Variants in SESTD1 observed in about 807,000 individuals in gnomAD.
SESTD1 encodes the protein SEC14 domain and spectrin repeat-containing protein 1.
In SESTD1, 43 loss-of-function variants were observed where a neutral mutation model predicts 101.7. The ratio of observed to expected loss-of-function variants is 0.42; its 90% CI spans 0.33 to 0.55. The LOEUF is 0.55. Among genes scored for constraint, SESTD1 ranks in the 20% least tolerant of loss-of-function variants. The probability of loss-of-function intolerance (pLI) is 0.07; values close to 1 mark genes in which losing one functional copy is unlikely to be tolerated. For missense variants in SESTD1, 647 were observed against 815.1 expected, an observed-to-expected ratio of 0.79 and a Z score of 2.51; for synonymous variants, 283 against 286.8, an observed-to-expected ratio of 0.99 and a Z score of 0.13.
chr2:179,183,027 A>C lies in SESTD1; in HGVS notation c.164+53T>G, dbSNP rs149313493. The C allele has an allele frequency of 9.3e-4, 1,105 of 1,186,732 alleles. 2 individuals carry two copies. The African/African-American group carries it at 0.014, about 15-fold the overall frequency. The allele number at this position is 1,186,732 out of a possible 1,614,324, so 73.5% of individuals were successfully genotyped here. A position where few individuals can be genotyped will look rare whatever the true frequency, so the allele number is the denominator to read the frequency against. On this transcript the variant is annotated intron_variant, in intron 3 of 17. Coordinates refer to ENST00000428443, the MANE Select transcript of SESTD1 (RefSeq NM_178123.5). ...TAATTCAACAATAGAAAGAATCATT[A>C]GTAACTGAATGAAAACATACTGAGA...
intron 1 of SESTD1, among the ~76,000 whole-genome samples, chr2:179,217,809 G>A (rs1294236026): frequency 6.6e-5 from 10 of 152,174 alleles, no homozygotes; most frequent in Non-Finnish European, 1.5e-4. Context: ...CATAAAAAAG[G>A]ATGAGTTCAT....
At chr2:179,163,306 T>C (rs1424371191) in intron 5 of SESTD1, among the ~76,000 whole-genome samples, 2 of 152,172 alleles carry the variant, frequency 1.3e-5, no homozygotes. Context: ...CTTTAACATA[T>C]GCTTTATCAA....
chr2:179,217,526 G>A (rs898471577), intron 1 of SESTD1, among the ~76,000 whole-genome samples: 1 of 152,210 alleles, frequency 6.6e-6, no homozygotes. Flanking sequence ...TACACTGTTG[G>A]TGGGAGTGTA....
At chr2:179,258,227 A>G (rs1323820619) in intron 1 of SESTD1, among the ~76,000 whole-genome samples, 2 of 152,252 alleles carry the variant, frequency 1.3e-5, no homozygotes, top group African/African-American at 4.8e-5. Flanking sequence ...GATAAAAATT[A>G]TCTAACCTAA....
chr2:179,165,164 T>C (rs557026443), intron 5 of SESTD1, among the ~76,000 whole-genome samples: 2 of 152,288 alleles, frequency 1.3e-5, no homozygotes, highest in Admixed American at 6.5e-5. Flanking sequence ...CATTAGGAAA[T>C]TGGGCTTTTA....
chr2:179,232,905 T>A (rs972330116), intron 1 of SESTD1, among the ~76,000 whole-genome samples: 4 of 152,214 alleles, frequency 2.6e-5, no homozygotes, highest in Non-Finnish European at 4.4e-5. Context: ...GGATAAGGGA[T>A]GGAGAAGATG....
At chr2:179,218,448 T>C (rs1408790338) in intron 1 of SESTD1, among the ~76,000 whole-genome samples, 1 of 152,162 alleles carries the variant, frequency 6.6e-6, no homozygotes, top group African/African-American at 2.4e-5. Context: ...GTTCATTAAA[T>C]AGAAAAGAGG....
At chr2:179,177,255 TC>T (rs2046027454) in intron 3 of SESTD1, among the ~76,000 whole-genome samples, 1 of 152,180 alleles carries the variant, frequency 6.6e-6, no homozygotes, top group Non-Finnish European at 1.5e-5. Context: ...AGGGAAAAAC[TC>T]CATTCTAAAG....
At position 179,246,302 on chromosome 2, in the gene SESTD1, G is replaced by A. The variant is rs143080626; in HGVS notation, c.-26+18197C>T. 4.1e-3 allele frequency among the ~76,000 whole-genome samples: 619 copies of A among 149,914 alleles called. 4 individuals are homozygous for A. Among genetic ancestry groups the A allele is most frequent in the African/African-American group, 0.014 (571 of 40,922 alleles). On this transcript the variant is annotated intron_variant, in intron 1 of 17. Transcript: ENST00000428443. The stretch of plus-strand genomic sequence containing the variant: ...AATTAACCAAAGAAAAGTGAGAATG[G>A]CTATACCAGAGATAGAGATGTACAT...
chr2:179,214,954 C>T (rs1371750891), intron 1 of SESTD1, among the ~76,000 whole-genome samples: 1 of 134,754 alleles, frequency 7.4e-6, no homozygotes. Flanking sequence ...AACAAAGACA[C>T]AATGTACCAG....
rs918214842 is a variant in SESTD1 at position 179,105,830 on chromosome 2, T to G, written c.*4069A>C. The stretch of plus-strand genomic sequence containing the variant: ...AAGCCAGATTTTTGAAGCCAAGTAT[T>G]CAAGCTCCAAACACTTTCCATTATA... On this transcript the variant is annotated 3_prime_UTR_variant, in exon 18 of 18. Transcript: ENST00000428443. 6.6e-6 allele frequency: 1 copy of G among 152,192 alleles called. No individual in the cohort carries two copies. The highest frequency in any genetic ancestry group is 1.5e-5 in the Non-Finnish European group (1 of 68,022). The allele number at this position is 152,192 out of a possible 1,614,324, so 9.4% of individuals were successfully genotyped here.
intron 1 of SESTD1, 96 bp downstream of exon 1, chr2:179,264,403 A>ACCGCCG (rs1422581217): frequency 6.8e-5 from 10 of 147,696 alleles, no homozygotes; most frequent in African/African-American, 2.2e-4. Context: ...CGGGCCCGCT[A>ACCGCCG]CCGCCGCCGC....
At chr2:179,140,864 GC>G (rs1200526887) in intron 9 of SESTD1, among the ~76,000 whole-genome samples, 47 of 152,232 alleles carry the variant, frequency 3.1e-4, no homozygotes, top group African/African-American at 1.1e-3. Flanking sequence ...TCCCTGAAAT[GC>G]TTTCTTCCCT....
At chr2:179,240,601 A>G (rs1399457250) in intron 1 of SESTD1, among the ~76,000 whole-genome samples, 1 of 152,166 alleles carries the variant, frequency 6.6e-6, no homozygotes, top group Non-Finnish European at 1.5e-5. Flanking sequence ...CAGTCAAAAG[A>G]CCAGGAAGGA....
At chr2:179,180,030 C>T (rs1170698411) in intron 3 of SESTD1, among the ~76,000 whole-genome samples, 3 of 152,202 alleles carry the variant, frequency 2.0e-5, no homozygotes, top group Admixed American at 6.6e-5. Context: ...AGTATCACCA[C>T]TCTATCACTC....
intron 1 of SESTD1, 50 bp from the exon 2 acceptor site, chr2:179,191,916 C>G: frequency 8.4e-7 from 1 of 1,192,016 alleles, no homozygotes; most frequent in Non-Finnish European, 1.2e-6. Flanking sequence ...AATTATTCCA[C>G]GAAATATATC....
intron 13 of SESTD1, among the ~76,000 whole-genome samples, chr2:179,121,278 T>C (rs1282285059): frequency 6.6e-6 from 1 of 152,152 alleles, no homozygotes; most frequent in Non-Finnish European, 1.5e-5. Flanking sequence ...TCAAAGAATC[T>C]TTTGAATTCC....
Position 179,156,797 on chromosome 2 carries a change from T to G in SESTD1, c.370-5406A>C, listed in dbSNP as rs192509100. On this transcript the variant is annotated intron_variant, in intron 5 of 17. Coordinates refer to ENST00000428443, the MANE Select transcript of SESTD1 (RefSeq NM_178123.5). ...GTCTGTTTACTCTGCTGACTGTTCA[T>G]TTTGCCATACAAAAGCTCTTTAATT... is the stretch of plus-strand genomic sequence containing the variant. 2.0e-5 allele frequency among the ~76,000 whole-genome samples: 3 copies of G among 152,350 alleles called. No individual in the cohort carries two copies. In the East Asian group the frequency reaches 5.8e-4, roughly 29 times the overall value.
chr2:179,154,335 C>T (rs953353947), intron 5 of SESTD1, among the ~76,000 whole-genome samples: 1 of 151,522 alleles, frequency 6.6e-6, no homozygotes, highest in Non-Finnish European at 1.5e-5. Context: ...GACAGAACAG[C>T]AATAAAGAGA....
Sources: allele counts gnomAD v4.1 joint callset (sites outside exome capture counted in the v4.1 genomes callset), GRCh38; gene constraint gnomAD v4.1.1; transcripts MANE v1.5; gene names NCBI Gene and HGNC (gene_info 2026-07-23, HGNC 2026-07-21).